Variants in PLEKHA2 observed in about 807,000 individuals in gnomAD.
PLEKHA2 encodes pleckstrin homology domain containing A2, also known as pleckstrin homology domain-containing family A member 2.
PLEKHA2 carries 28 observed loss-of-function variants against 53.2 expected under a neutral mutation model. The ratio of observed to expected loss-of-function variants is 0.53; its 90% CI spans 0.39 to 0.72. The LOEUF is 0.72. Among genes scored for constraint, PLEKHA2 ranks in the 30% least tolerant of loss-of-function variants. The pLI, the probability that PLEKHA2 is intolerant of heterozygous loss-of-function variation, is 0.00. For missense variants in PLEKHA2, 426 were observed against 537.9 expected (o/e 0.79, Z 2.06); for synonymous variants, 193 against 196.4 (o/e 0.98, Z 0.14).
intron 2 of PLEKHA2, 118 bp downstream of exon 2, chr8:38,918,188 A>C: frequency 7.4e-7 from 1 of 1,345,070 alleles, no homozygotes; most frequent in East Asian, 2.5e-5. Flanking sequence ...GCTGATCAGC[A>C]GGGAGGGGAC....
chr8:38,906,993 A>G lies in PLEKHA2; in HGVS notation c.-24+5548A>G, dbSNP rs555560734. 2.6e-5 allele frequency among the ~76,000 whole-genome samples: 4 copies of G among 152,252 alleles called. No individual in the cohort carries two copies. In the South Asian group the frequency reaches 8.3e-4, roughly 32 times the overall value. ...AGATCTCTGATGTTATTTCCCAAAA[A>G]ACTTTCTCCTGTTACCCAGTTGAGC... On this transcript the variant is annotated intron_variant, in intron 1 of 11. Transcript: ENST00000617275.
Position 38,973,230 on chromosome 8 carries a change from A to G in PLEKHA2, c.*3447A>G, listed in dbSNP as rs1172852534. 2 of 152,150 alleles carry G rather than the reference A, an allele frequency of 1.3e-5. No homozygotes were observed. The highest frequency in any genetic ancestry group is 2.9e-5 in the Non-Finnish European group (2 of 68,028). 9.4% of individuals were successfully genotyped at this position (152,150 alleles called of 1,614,324 possible). A position where few individuals can be genotyped will look rare whatever the true frequency, so the allele number is the denominator to read the frequency against. On this transcript the variant is annotated 3_prime_UTR_variant, in exon 12 of 12. Coordinates refer to ENST00000617275, the MANE Select transcript of PLEKHA2 (RefSeq NM_021623.2). Reference sequence around the variant, plus strand: ...AAGGGTATTGAGGTATACATTATGGAGATTGATGTCAGGTCAGAATATTGG... The same window carrying G: ...AAGGGTATTGAGGTATACATTATGGGGATTGATGTCAGGTCAGAATATTGG...
chr8:38,969,905 G>T lies in PLEKHA2; in HGVS notation c.*122G>T. On this transcript the variant is annotated 3_prime_UTR_variant, in exon 12 of 12. Transcript: ENST00000617275. ...CCTTTATGTCACTCATATTCCTGTG[G>T]ATGCTCTTTGGGAGGGAGGGGCCCA... is the stretch of plus-strand genomic sequence containing the variant. 1 of 1,397,314 alleles carries T rather than the reference G, an allele frequency of 7.2e-7. No individual in the cohort carries two copies. The highest frequency in any genetic ancestry group is 9.6e-7 in the Non-Finnish European group (1 of 1,047,110). 86.6% of individuals were successfully genotyped at this position (1,397,314 alleles called of 1,614,324 possible).
chr8:38,924,150 C>T (rs1042086468), intron 2 of PLEKHA2, among the ~76,000 whole-genome samples: 3 of 152,250 alleles, frequency 2.0e-5, no homozygotes, highest in South Asian at 4.2e-4. Context: ...ACGCCTGGCC[C>T]GGTTTTCACT....
intron 7 of PLEKHA2, 146 bp from the exon 8 acceptor site, chr8:38,952,490 C>T (rs1055881168): frequency 3.9e-6 from 5 of 1,273,508 alleles, no homozygotes; most frequent in Middle Eastern, 2.0e-4. Flanking sequence ...AGAGGTGTTG[C>T]CCCTGATATG....
intron 1 of PLEKHA2, among the ~76,000 whole-genome samples, chr8:38,908,929 T>G (rs10086463): frequency 0.82 from 124,117 of 152,118 alleles, 50,673 homozygotes; most frequent in Admixed American, 0.83. Context: ...TGGATCATGA[T>G]GTCAGGAGAT....
At chr8:38,917,542 A>G (rs923897558) in intron 1 of PLEKHA2, among the ~76,000 whole-genome samples, 1 of 152,186 alleles carries the variant, frequency 6.6e-6, no homozygotes, top group Non-Finnish European at 1.5e-5. Context: ...CGTTTTACAG[A>G]TGCAGAAGCT....
rs567500477 is a variant in PLEKHA2, at chr8:38,915,695, T to G, written c.-23-2212T>G. 9.2e-5 allele frequency among the ~76,000 whole-genome samples: 14 copies of G among 152,302 alleles called. No homozygotes were observed. In the East Asian group the frequency reaches 2.7e-3, roughly 29 times the overall value. ...CCCCGTAACAATGACAGTGGAGTGA[T>G]GTAAGATGCTGGGCCGGGGCTGTGA... On this transcript the variant is annotated intron_variant, in intron 1 of 11. Transcript: ENST00000617275.
At chr8:38,967,652 G>T (rs1835165451) in intron 10 of PLEKHA2, among the ~76,000 whole-genome samples, 1 of 150,530 alleles carries the variant, frequency 6.6e-6, no homozygotes, top group Non-Finnish European at 1.5e-5. Context: ...AACTATTCAT[G>T]TCCTTTGCTC....
intron 9 of PLEKHA2, among the ~76,000 whole-genome samples, chr8:38,956,664 G>T (rs1834946300): frequency 6.6e-6 from 1 of 152,096 alleles, no homozygotes; most frequent in Non-Finnish European, 1.5e-5. Context: ...GCCAGGAGTG[G>T]TGGCATGTGC....
At chr8:38,938,475 G>C (rs1834537585) in intron 3 of PLEKHA2, among the ~76,000 whole-genome samples, 1 of 151,820 alleles carries the variant, frequency 6.6e-6, no homozygotes, top group Non-Finnish European at 1.5e-5. Flanking sequence ...CTGCCAGAGG[G>C]GCCCCAGCTC....
Position 38,943,839 on chromosome 8 carries a change from TA to T in PLEKHA2, c.247+4del. On this transcript the variant is annotated splice_donor_region_variant and intron_variant, in intron 4 of 11. Coordinates refer to ENST00000617275, the MANE Select transcript of PLEKHA2 (RefSeq NM_021623.2). ...AACCAAAAACTCCATTTTGCTTTGG[TA>T]AGTACTGAGCCAGGGGAGGGACTCA... 1 of 1,581,868 alleles carries T rather than the reference TA, an allele frequency of 6.3e-7. No homozygotes were observed. Among genetic ancestry groups the T allele is most frequent in the Admixed American group, 1.8e-5 (1 of 54,936 alleles).
intron 10 of PLEKHA2, among the ~76,000 whole-genome samples, chr8:38,960,448 C>G (rs1233578924): frequency 2.0e-5 from 3 of 151,972 alleles, no homozygotes; most frequent in African/African-American, 7.3e-5. Flanking sequence ...CACTGCACTC[C>G]GGCCTGGGTG....
chr8:38,924,408 C>T (rs575311208), intron 2 of PLEKHA2, among the ~76,000 whole-genome samples: 88 of 152,114 alleles, frequency 5.8e-4, no homozygotes, highest in African/African-American at 1.9e-3. Flanking sequence ...GAAATGTTCC[C>T]GCGGGGACTG....
intron 7 of PLEKHA2, 94 bp from the exon 8 acceptor site, chr8:38,952,542 A>C (rs1834865333): frequency 7.0e-7 from 1 of 1,427,878 alleles, no homozygotes; most frequent in Non-Finnish European, 9.6e-7. Flanking sequence ...CCGGACTTCC[A>C]TGGGGCTGGG....
At chr8:38,963,255 G>A (rs989655389) in intron 10 of PLEKHA2, among the ~76,000 whole-genome samples, 6 of 152,024 alleles carry the variant, frequency 3.9e-5, no homozygotes, top group Admixed American at 3.3e-4. Flanking sequence ...CTTTTGAACC[G>A]AGCACCAGAA....
chr8:38,911,833 CT>C (rs1306454049), intron 1 of PLEKHA2, among the ~76,000 whole-genome samples: 6 of 152,044 alleles, frequency 3.9e-5, no homozygotes, highest in African/African-American at 1.5e-4. Context: ...AAAATTAGCC[CT>C]CCATGGTGGT....
Position 38,957,349 on chromosome 8 carries a change from T to A in PLEKHA2, c.800T>A (p.Phe267Tyr), listed in dbSNP as rs1473125426. 1 of 1,613,306 alleles carries A rather than the reference T, an allele frequency of 6.2e-7. No homozygotes were observed. Among genetic ancestry groups the A allele is most frequent in the Admixed American group, 1.7e-5 (1 of 60,008 alleles). Residue 267 changes from phenylalanine (F) to tyrosine (Y), a missense_variant, in exon 10 of 12, where the codon TTT becomes TAT. Phe to Tyr is a conservative substitution (Grantham distance 22). Transcript: ENST00000617275. ...GATCTCTTAATGAGGGACAACCTGTTTGAAATAATAACAAGCTCCAGGACC... is the reference window on the plus strand; with the variant it reads ...GATCTCTTAATGAGGGACAACCTGTATGAAATAATAACAAGCTCCAGGACC... ...SGDLLMRDNL[F>Y]EIITSSRTFY... is the part of the protein sequence containing the mutation.
intron 7 of PLEKHA2, 130 bp from the exon 8 acceptor site, chr8:38,952,506 G>A: frequency 7.6e-7 from 1 of 1,307,934 alleles, no homozygotes; most frequent in Non-Finnish European, 1.1e-6. Context: ...ATATGAAGAA[G>A]CCCTTGCCCC....
Sources: allele counts gnomAD v4.1 joint callset (sites outside exome capture counted in the v4.1 genomes callset), GRCh38; gene constraint gnomAD v4.1.1; transcripts MANE v1.5; gene names NCBI Gene and HGNC (gene_info 2026-07-23, HGNC 2026-07-21).